The following PCED1A variants were observed in gnomAD, a reference collection of about 807,000 sequenced individuals.
PCED1A encodes PC-esterase domain containing 1A, also known as PC-esterase domain-containing protein 1A.
A neutral mutation model predicts 41.9 loss-of-function variants in PCED1A; 20 were observed. That is an observed-to-expected ratio of 0.48 (90% CI 0.34 to 0.69). The LOEUF is 0.69. PCED1A is among the 30% of genes least tolerant of loss of function. The pLI, the probability that PCED1A is intolerant of heterozygous loss-of-function variation, is 0.01. For synonymous variants in PCED1A, 236 were observed against 241.3 expected (o/e 0.98, Z 0.20); for missense variants, 498 against 602.1 (o/e 0.83, Z 1.81).
At chr20:2,840,732 TG>T (rs1243672970), upstream of PCED1A, 2 of 1,545,440 alleles carry the variant, frequency 1.3e-6, no homozygotes, top group Non-Finnish European at 1.7e-6. Flanking sequence ...CCGCTCTAGG[TG>T]GGTGTCCCCT....
At position 2,836,331 on chromosome 20, in the gene PCED1A, T is replaced by G; in HGVS notation, c.842-17A>C. On this transcript the variant is annotated splice_polypyrimidine_tract_variant and intron_variant, in intron 6 of 7. Transcript: ENST00000360652. The stretch of plus-strand genomic sequence containing the variant: ...TCCACGGGTCTAGGAATGGGATGGT[T>G]GTTTTAGGTAGGCTTGGGAGCCAGG... 1.2e-6 allele frequency: 2 copies of G among 1,608,120 alleles called. No individual in the cohort carries two copies. The highest frequency in any genetic ancestry group is 1.1e-5 in the South Asian group (1 of 90,958).
chr20:2,838,211 C>A lies in PCED1A; in HGVS notation c.841+21G>T. 1 of 1,613,616 alleles carries A rather than the reference C, an allele frequency of 6.2e-7. No homozygotes were observed. Among genetic ancestry groups the A allele is most frequent in the African/African-American group, 1.3e-5 (1 of 75,032 alleles). On this transcript the variant is annotated intron_variant, in intron 6 of 7. Transcript: ENST00000360652. The surrounding 1 kb of genome is among the most constrained non-coding windows in gnomAD (Gnocchi z 5.8). ...GAGGGCCCCAGTGCATCACTACCCCCCCACTTATGGTAGGGCTCACCAGGG... is the reference window on the plus strand; with the variant it reads ...GAGGGCCCCAGTGCATCACTACCCCACCACTTATGGTAGGGCTCACCAGGG...
intron 7 of PCED1A, 109 bp from the exon 8 acceptor site, chr20:2,835,818 C>T (rs1261888240): frequency 2.7e-6 from 4 of 1,491,722 alleles, no homozygotes; most frequent in Non-Finnish European, 3.6e-6. Context: ...TCCCTATCTA[C>T]AAAAAAGGGA....
In PCED1A at chr20:2,839,880, G is replaced by A; in HGVS notation, c.33C>T (p.Arg11=). 1 of 1,613,624 alleles carries A rather than the reference G, an allele frequency of 6.2e-7. No homozygotes were observed. Among genetic ancestry groups the A allele is most frequent in the East Asian group, 2.2e-5 (1 of 44,826 alleles). ...GGACCATGTCGCTTCGCAGCGGGCGGCGCGGCTCCTCGCTCGACAGACAGA... is the reference window on the plus strand; with the variant it reads ...GGACCATGTCGCTTCGCAGCGGGCGACGCGGCTCCTCGCTCGACAGACAGA... MVFCLSSEEP[R]RPLRSDMVHF... The change falls in exon 2 of 8, where the codon CGC becomes CGT. Residue 11 remains arginine, a synonymous_variant. Coordinates refer to ENST00000360652, the MANE Select transcript of PCED1A (RefSeq NM_022760.6).
intron 6 of PCED1A, among the ~76,000 whole-genome samples, chr20:2,837,391 T>C (rs1391212160): frequency 1.3e-5 from 2 of 152,192 alleles, no homozygotes; most frequent in Non-Finnish European, 2.9e-5. Flanking sequence ...ACAATTCTGT[T>C]GATACTGTGT....
rs768891725 is a variant in PCED1A, at chr20:2,839,077, C to G, written c.210G>C (p.Glu70Asp). The G allele has an allele frequency of 1.2e-6, 2 of 1,608,214 alleles. No homozygotes were observed. The highest frequency in any genetic ancestry group is 2.3e-5 in the East Asian group (1 of 44,370). ...CCAGCTGGTCCTGTTCAAAGCTCAG[C>G]TCCCCCTACCCACCCCCCCCACCCT... ...LTAAQLKAKG[E>D]LSFEQDQLVA... Residue 70 changes from glutamate (E) to aspartate (D), a missense_variant, in exon 4 of 8, where the codon GAG becomes GAC. Transcript: ENST00000360652.
intron 3 of PCED1A, 47 bp downstream of exon 3, chr20:2,839,145 G>A: frequency 2.6e-6 from 4 of 1,545,776 alleles, no homozygotes; most frequent in Non-Finnish European, 3.5e-6. Context: ...TGCCAGGCCA[G>A]GGTCTGTGCC....
chr20:2,840,660 G>T, upstream of PCED1A: 1 of 1,184,342 alleles, frequency 8.4e-7, no homozygotes, highest in South Asian at 1.3e-5. Flanking sequence ...AGTGGTGATG[G>T]CCGCGGCGGC....
rs2088896969 is a variant in PCED1A, at chr20:2,839,174, C to T, written c.204+18G>A. On this transcript the variant is annotated intron_variant, in intron 3 of 7. Transcript: ENST00000360652. ...CTGTGCCCACCCACCACTGACATGGCCACCAAGCTTCCCTCACCTTGGCTT... is the reference window on the plus strand; with the variant it reads ...CTGTGCCCACCCACCACTGACATGGTCACCAAGCTTCCCTCACCTTGGCTT... The T allele has an allele frequency of 6.2e-7, 1 of 1,607,760 alleles. No homozygotes were observed. The highest frequency in any genetic ancestry group is 8.5e-7 in the Non-Finnish European group (1 of 1,178,626).
intron 6 of PCED1A, among the ~76,000 whole-genome samples, chr20:2,837,445 G>A (rs888106274): frequency 2.0e-5 from 3 of 152,166 alleles, no homozygotes; most frequent in African/African-American, 4.8e-5. Context: ...GGGGTGAGTC[G>A]TCAACAAGTG....
At position 2,838,582 on chromosome 20, in the gene PCED1A, C is replaced by T. The variant is rs773459319; in HGVS notation, c.594+14G>A. The T allele has an allele frequency of 3.1e-6, 5 of 1,614,054 alleles. No individual in the cohort carries two copies. The African/African-American group carries it at 5.3e-5, about 17-fold the overall frequency. ...CTATCCCATCTCTTGTCCTGATGGG[C>T]CTCAGTCACTTGCCTCTGGCAGGAG... On this transcript the variant is annotated intron_variant, in intron 5 of 7. Coordinates refer to ENST00000360652, the MANE Select transcript of PCED1A (RefSeq NM_022760.6). This position sits in a 1 kb window ranked among gnomAD's most constrained non-coding sequence, Gnocchi z 5.8.
chr20:2,838,188 G>C lies in PCED1A; in HGVS notation c.841+44C>G, dbSNP rs760082867. The C allele has an allele frequency of 4.3e-6, 7 of 1,612,056 alleles. No individual in the cohort carries two copies. The highest frequency in any genetic ancestry group is 5.9e-6 in the Non-Finnish European group (7 of 1,179,508). On this transcript the variant is annotated intron_variant, in intron 6 of 7. Coordinates refer to ENST00000360652, the MANE Select transcript of PCED1A (RefSeq NM_022760.6). This position sits in a 1 kb window ranked among gnomAD's most constrained non-coding sequence, Gnocchi z 5.8. ...TCTGTTTCTGAGCCCTGTCCTCTGA[G>C]GGCCCCAGTGCATCACTACCCCCCC...
At chr20:2,835,926 C>T (rs2088820812) in intron 7 of PCED1A, 113 bp downstream of exon 7, 2 of 1,445,918 alleles carry the variant, frequency 1.4e-6, no homozygotes, top group African/African-American at 2.9e-5. Flanking sequence ...CTGCTGTGAC[C>T]AAACCCAGTG....
intron 7 of PCED1A, 108 bp from the exon 8 acceptor site, chr20:2,835,817 A>T (rs1462542703): frequency 6.7e-7 from 1 of 1,493,120 alleles, no homozygotes; most frequent in Non-Finnish European, 8.9e-7. Context: ...TTCCCTATCT[A>T]CAAAAAAGGG....
chr20:2,838,961 C>T lies in PCED1A; in HGVS notation c.326G>A (p.Arg109His), dbSNP rs768047955. ...FCSGSGHHLV[R>H]FYFLTRVYSE... Reference sequence around the variant, plus strand: ...GTAAACACGAGTGAGGAAGTAGAAGCGCACAAGGTGGTGGCCAGAGCCCGA... The same window carrying T: ...GTAAACACGAGTGAGGAAGTAGAAGTGCACAAGGTGGTGGCCAGAGCCCGA... Residue 109 changes from arginine (R) to histidine (H), a missense_variant, in exon 4 of 8, where the codon CGC (arginine) becomes CAC (histidine). Coordinates refer to ENST00000360652, the MANE Select transcript of PCED1A (RefSeq NM_022760.6). The surrounding 1 kb of genome is among the most constrained non-coding windows in gnomAD (Gnocchi z 5.8). 1.2e-5 allele frequency: 19 copies of T among 1,613,940 alleles called. No homozygotes were observed. Among genetic ancestry groups the T allele is most frequent in the South Asian group, 2.2e-5 (2 of 91,092 alleles).
intron 1 of PCED1A, 24 bp from the exon 2 acceptor site, chr20:2,839,957 G>C (rs1193872550): frequency 6.3e-7 from 1 of 1,585,580 alleles, no homozygotes; most frequent in Non-Finnish European, 8.6e-7. Flanking sequence ...CCACTAAGCA[G>C]CGCGATGGTG....
In PCED1A at chr20:2,838,339, T is replaced by C; in HGVS notation, c.734A>G (p.Asp245Gly). ...FRHAVQHRHR[D>G]GVHWDQHAHR... ...TGCATGCTGGTCCCAGTGGACACCA[T>C]CCCGATGACGGTGCTGTACTGCATG... is the stretch of plus-strand genomic sequence containing the variant. The change falls in exon 6 of 8, where the codon GAT (aspartate) becomes GGT (glycine). Residue 245 changes from aspartate (D) to glycine (G), a missense_variant. Physicochemically the swap from Asp to Gly is moderately conservative, Grantham distance 94 (BLOSUM62 -1). This residue lies in a region of PCED1A where 253 missense variants were observed against 369.7 expected (regional missense o/e 0.68). Coordinates refer to ENST00000360652, the MANE Select transcript of PCED1A (RefSeq NM_022760.6). This position sits in a 1 kb window ranked among gnomAD's most constrained non-coding sequence, Gnocchi z 5.8. The C allele has an allele frequency of 6.2e-7, 1 of 1,614,232 alleles. No homozygotes were observed. The highest frequency in any genetic ancestry group is 8.5e-7 in the Non-Finnish European group (1 of 1,180,046).
At chr20:2,836,627 C>T (rs2088840264) in intron 6 of PCED1A, among the ~76,000 whole-genome samples, 1 of 152,152 alleles carries the variant, frequency 6.6e-6, no homozygotes, top group Admixed American at 6.5e-5. Flanking sequence ...GTAAATAAGC[C>T]AAACATAAAG....
At position 2,838,534 on chromosome 20, in the gene PCED1A, AGGGT is replaced by A. The variant is rs2088877594; in HGVS notation, c.594+58_595-57del. The A allele has an allele frequency of 1.2e-6, 2 of 1,613,754 alleles. No homozygotes were observed. Among genetic ancestry groups the A allele is most frequent in the African/African-American group, 2.7e-5 (2 of 74,924 alleles). On this transcript the variant is annotated intron_variant, in intron 5 of 7. Transcript: ENST00000360652. The surrounding 1 kb of genome is among the most constrained non-coding windows in gnomAD (Gnocchi z 5.8). Reference sequence around the variant, plus strand: ...ACAGAACGCAGCAGGGTCTGAAAGCAGGGTGTCCTATCTACCAGTCTGCTATCCC... The same window carrying A: ...ACAGAACGCAGCAGGGTCTGAAAGCAGTCCTATCTACCAGTCTGCTATCCC...
Sources: gnomAD v4.1 joint callset for allele counts (sites outside exome capture counted in the v4.1 genomes callset) on GRCh38, gnomAD v4.1.1 for gene constraint, gnomAD v4.1.1 regional missense constraint, Gnocchi (gnomAD v3.1) non-coding constraint, MANE v1.5 for transcripts, NCBI Gene and HGNC (gene_info 2026-07-23, HGNC 2026-07-21) for gene names.